Variants in KLHL1 observed in about 807,000 individuals in gnomAD.
The protein encoded by KLHL1 is kelch like family member 1, also known as kelch-like protein 1.
A neutral mutation model predicts 77.7 loss-of-function variants in KLHL1; 47 were observed. The observed-to-expected ratio is 0.60, with a 90% confidence interval of 0.48 to 0.77. The LOEUF is 0.77. Ranked by LOEUF, KLHL1 falls within the 30% of genes least tolerant of loss-of-function variation. KLHL1 has a pLI of 0.00. For synonymous variants in KLHL1, 360 were observed against 325.2 expected, an observed-to-expected ratio of 1.11 and a Z score of -1.15; for missense variants, 925 against 910.8, an observed-to-expected ratio of 1.02 and a Z score of -0.20.
intron 1 of KLHL1, among the ~76,000 whole-genome samples, chr13:70,068,252 A>G (rs1418898004): frequency 6.6e-6 from 1 of 152,044 alleles, no homozygotes; most frequent in Non-Finnish European, 1.5e-5. Flanking sequence ...GAGGCAGGAG[A>G]ATGGCGTGAA....
Position 69,839,001 on chromosome 13 carries a change from A to G in KLHL1, c.1389T>C (p.Ala463=). Residue 463 remains alanine, a synonymous_variant, in exon 6 of 11, where the codon GCT becomes GCC. Transcript: ENST00000377844. ...PRKSTVGTLY[A]VGGMDNNKGA... is the part of the protein sequence containing the mutation. ...CTTTGTTGTTATCCATTCCTCCTAC[A>G]GCATACAAAGTTCCGACTGTAGATT... is the stretch of plus-strand genomic sequence containing the variant. The G allele has an allele frequency of 6.2e-7, 1 of 1,608,656 alleles. No individual in the cohort carries two copies. The highest frequency in any genetic ancestry group is 1.1e-5 in the South Asian group (1 of 90,130).
chr13:70,099,637 A>C (rs1887876774), intron 1 of KLHL1, among the ~76,000 whole-genome samples: 1 of 152,016 alleles, frequency 6.6e-6, no homozygotes, highest in Admixed American at 6.6e-5. Flanking sequence ...ACAATAGATA[A>C]GTTTATGTGA....
chr13:70,065,620 C>T (rs1319331062), intron 1 of KLHL1, among the ~76,000 whole-genome samples: 1 of 152,140 alleles, frequency 6.6e-6, no homozygotes, highest in Non-Finnish European at 1.5e-5. Flanking sequence ...TTAAGGACAG[C>T]AGAAAATTTT....
intron 1 of KLHL1, among the ~76,000 whole-genome samples, chr13:69,978,806 C>T (rs1395655705): frequency 1.3e-5 from 2 of 151,972 alleles, no homozygotes; most frequent in Admixed American, 6.6e-5. Flanking sequence ...ATTTTTAATA[C>T]CTGATAAAGA....
At chr13:69,866,568 A>T (rs1880372034) in intron 5 of KLHL1, among the ~76,000 whole-genome samples, 1 of 152,090 alleles carries the variant, frequency 6.6e-6, no homozygotes, top group African/African-American at 2.4e-5. Context: ...TTTTCCAGAA[A>T]AGCCAGGGAT....
At chr13:69,982,889 G>A (rs1198780044) in intron 1 of KLHL1, among the ~76,000 whole-genome samples, 2 of 152,028 alleles carry the variant, frequency 1.3e-5, no homozygotes, top group Admixed American at 6.6e-5. Context: ...GAGAAGAAAG[G>A]ACATTCAAAC....
At chr13:69,797,085 A>T in intron 6 of KLHL1, 123 bp from the exon 7 acceptor site, 1 of 754,712 alleles carries the variant, frequency 1.3e-6, no homozygotes, top group South Asian at 1.8e-5. Flanking sequence ...TAAAAGAAAA[A>T]GTGGCAGAAA....
chr13:69,929,603 CTCATA>C (rs759537336), intron 4 of KLHL1, among the ~76,000 whole-genome samples: 3 of 151,610 alleles, frequency 2.0e-5, no homozygotes, highest in Non-Finnish European at 4.4e-5. Flanking sequence ...GCTGTATCAT[CTCATA>C]TATTATTTTA....
At chr13:70,055,283 T>C (rs1439981809) in intron 1 of KLHL1, among the ~76,000 whole-genome samples, 1 of 152,072 alleles carries the variant, frequency 6.6e-6, no homozygotes, top group Non-Finnish European at 1.5e-5. Context: ...ACATATTTGA[T>C]GTGCTGAAGG....
chr13:69,740,591 G>A (rs764111300), intron 7 of KLHL1, 35 bp from the exon 8 acceptor site: 30 of 1,493,892 alleles, frequency 2.0e-5, no homozygotes, highest in Non-Finnish European at 2.8e-5. Flanking sequence ...AGTGCCTATA[G>A]TTAATATCAT....
intron 5 of KLHL1, among the ~76,000 whole-genome samples, chr13:69,857,266 C>T (rs1386430543): frequency 6.6e-6 from 1 of 151,980 alleles, no homozygotes; most frequent in African/African-American, 2.4e-5. Context: ...ACTTCTCTTC[C>T]AAGACACAAC....
At chr13:70,017,406 C>T (rs2439669) in intron 1 of KLHL1, among the ~76,000 whole-genome samples, 19,262 of 152,212 alleles carry the variant, frequency 0.13, 2,192 homozygotes, top group African/African-American at 0.3. Flanking sequence ...GCATACAATA[C>T]ATCTGGTCCA....
chr13:69,949,324 T>C (rs1883630939), intron 3 of KLHL1, among the ~76,000 whole-genome samples: 1 of 151,826 alleles, frequency 6.6e-6, no homozygotes, highest in Non-Finnish European at 1.5e-5. Context: ...CAGACTTTCC[T>C]TTTTTTAATG....
intron 4 of KLHL1, among the ~76,000 whole-genome samples, chr13:69,883,666 C>A (rs1407637777): frequency 6.6e-6 from 1 of 152,158 alleles, no homozygotes; most frequent in Admixed American, 6.6e-5. Context: ...AGCAGAGGAG[C>A]AGTACATATT....
At chr13:69,921,921 A>AT (rs1197300551) in intron 4 of KLHL1, among the ~76,000 whole-genome samples, 53,912 of 122,578 alleles carry the variant, frequency 0.44, 11,938 homozygotes, top group Non-Finnish European at 0.47. Flanking sequence ...TGAATGATTG[A>AT]TTTTTTTTTT....
Position 69,913,976 on chromosome 13 carries a change from G to T in KLHL1, c.1014+26064C>A, listed in dbSNP as rs1882329961. 2.0e-5 allele frequency among the ~76,000 whole-genome samples: 3 copies of T among 152,186 alleles called. 1 individual carries two copies. Among genetic ancestry groups the T allele is most frequent in the South Asian group, 2.1e-4 (1 of 4,834 alleles). On this transcript the variant is annotated intron_variant, in intron 4 of 10. Coordinates refer to ENST00000377844, the MANE Select transcript of KLHL1 (RefSeq NM_020866.3). Reference sequence around the variant, plus strand: ...CACAATCTAATCAACTGCCAGTACAGCTAGAATATAAAGCAGGAAGAAGAA... The same window carrying T: ...CACAATCTAATCAACTGCCAGTACATCTAGAATATAAAGCAGGAAGAAGAA...
chr13:69,981,851 G>T (rs540318763), intron 1 of KLHL1, among the ~76,000 whole-genome samples: 2 of 151,750 alleles, frequency 1.3e-5, no homozygotes, highest in South Asian at 4.2e-4. Flanking sequence ...ATGCAAATGT[G>T]ACTGTGATTC....
In KLHL1 at chr13:69,719,841, A is replaced by G. The variant is rs537563795; in HGVS notation, c.1803-260T>C. On this transcript the variant is annotated intron_variant, in intron 8 of 10. Coordinates refer to ENST00000377844, the MANE Select transcript of KLHL1 (RefSeq NM_020866.3). ...CCTCTATTTCTAGAAACTTGGATAG[A>G]TTTAAATTGCATACTGCAAAAATAA... Among the ~76,000 whole-genome samples the G allele has an allele frequency of 5.9e-5, 9 of 152,146 alleles. No homozygotes were observed. In the East Asian group the frequency reaches 1.7e-3, roughly 29 times the overall value.
At chr13:69,777,696 T>C (rs769871222) in intron 7 of KLHL1, among the ~76,000 whole-genome samples, 17 of 152,178 alleles carry the variant, frequency 1.1e-4, no homozygotes, top group Non-Finnish European at 1.8e-4. Flanking sequence ...TATGCATCAC[T>C]TCTTTTTGGA....
Sources: allele counts gnomAD v4.1 joint callset (sites outside exome capture counted in the v4.1 genomes callset), GRCh38; gene constraint gnomAD v4.1.1; transcripts MANE v1.5; gene names NCBI Gene and HGNC (gene_info 2026-07-23, HGNC 2026-07-21).